Variants in ZNF18 observed in about 807,000 individuals in gnomAD.
ZNF18 encodes the protein heart development-specific gene 1 protein.
In ZNF18, 42 loss-of-function variants were observed where a neutral mutation model predicts 58.1. That is an observed-to-expected ratio of 0.72 (90% CI 0.56 to 0.93). The LOEUF is 0.93. Among genes scored for constraint, ZNF18 ranks in the 40% least tolerant of loss-of-function variants. The pLI is 0.00. For synonymous variants in ZNF18, 231 were observed against 239.8 expected, an observed-to-expected ratio of 0.96 and a Z score of 0.34; for missense variants, 540 against 644.2, an observed-to-expected ratio of 0.84 and a Z score of 1.75.
At chr17:11,982,076 C>T (rs1285083615) in intron 6 of ZNF18, among the ~76,000 whole-genome samples, 1 of 152,002 alleles carries the variant, frequency 6.6e-6, no homozygotes, top group Non-Finnish European at 1.5e-5. Context: ...TCCGCCTCTC[C>T]TCTCCCCAAC....
chr17:12,005,134 A>G, the ZNF18 span, among the ~76,000 whole-genome samples: 3 of 150,378 alleles, frequency 2.0e-5, no homozygotes, highest in African/African-American at 7.3e-5. Flanking sequence ...TATGCATGTT[A>G]TGGACTCAGA....
At chr17:12,011,499 C>CTGAG in the ZNF18 span, among the ~76,000 whole-genome samples, 117 of 151,722 alleles carry the variant, frequency 7.7e-4, no homozygotes, top group East Asian at 0.019. Context: ...GATTCTCTTG[C>CTGAG]CTCAGCCTCC....
chr17:12,020,941 G>A, the ZNF18 span: 4 of 1,215,286 alleles, frequency 3.3e-6, no homozygotes, highest in African/African-American at 3.1e-5. Flanking sequence ...CAGCGGCAGC[G>A]GCACCCCCGG....
chr17:12,020,958 A>G, the ZNF18 span: 2 of 1,210,642 alleles, frequency 1.7e-6, no homozygotes, highest in Non-Finnish European at 2.1e-6. Flanking sequence ...CCGGCCCCGT[A>G]GGGTCCCCGG....
chr17:12,020,461 G>A, the ZNF18 span, among the ~76,000 whole-genome samples: 2 of 152,150 alleles, frequency 1.3e-5, no homozygotes, highest in African/African-American at 2.4e-5. Context: ...GCGACTGGAG[G>A]AGAAAGGGAT....
chr17:12,009,732 C>T, the ZNF18 span, among the ~76,000 whole-genome samples: 2 of 152,102 alleles, frequency 1.3e-5, no homozygotes, highest in South Asian at 2.1e-4. Context: ...GAATTACAGG[C>T]GTGAGCCACC....
upstream of ZNF18, among the ~76,000 whole-genome samples, chr17:12,002,046 G>T (rs1968667540): frequency 3.3e-5 from 5 of 152,098 alleles, no homozygotes; most frequent in South Asian, 1.0e-3. Context: ...AGGATGAAAG[G>T]TGGGAGGGAG....
the ZNF18 span, chr17:12,020,790 G>C: frequency 2.0e-6 from 1 of 501,494 alleles, no homozygotes; most frequent in Non-Finnish European, 3.0e-6. Context: ...CGGAGGCGGG[G>C]CCAAGGCGGG....
chr17:11,993,149 C>T (rs1968242945), intron 1 of ZNF18, among the ~76,000 whole-genome samples: 1 of 152,204 alleles, frequency 6.6e-6, no homozygotes, highest in Admixed American at 6.5e-5. Flanking sequence ...CTTTCTTGGT[C>T]TTCAAATGTC....
At chr17:12,010,310 T>C in the ZNF18 span, among the ~76,000 whole-genome samples, 1 of 152,212 alleles carries the variant, frequency 6.6e-6, no homozygotes, top group Non-Finnish European at 1.5e-5. Context: ...ATTTATTTTC[T>C]GGTGACTTAA....
At chr17:12,008,265 T>C in the ZNF18 span, among the ~76,000 whole-genome samples, 1 of 152,222 alleles carries the variant, frequency 6.6e-6, no homozygotes, top group Admixed American at 6.5e-5. Context: ...GTATTTTCTT[T>C]GGCAAGCACA....
the ZNF18 span, among the ~76,000 whole-genome samples, chr17:12,019,957 G>T: frequency 6.6e-6 from 1 of 152,194 alleles, no homozygotes; most frequent in Non-Finnish European, 1.5e-5. Flanking sequence ...AGTACATTAT[G>T]GTTGGCTTAC....
upstream of ZNF18, among the ~76,000 whole-genome samples, chr17:11,999,972 A>G (rs2151492651): frequency 6.6e-6 from 1 of 152,312 alleles, no homozygotes; most frequent in East Asian, 1.9e-4. Flanking sequence ...TCTGTTGCCC[A>G]ATGTAGTGCC....
At chr17:12,021,370 T>C in the ZNF18 span, 1 of 154,752 alleles carries the variant, frequency 6.5e-6, no homozygotes, top group East Asian at 1.9e-4. Context: ...GGCTCGGGGC[T>C]GCGGCGGAGC....
the ZNF18 span, among the ~76,000 whole-genome samples, chr17:12,007,086 G>T: frequency 2.0e-5 from 3 of 152,132 alleles, no homozygotes; most frequent in Admixed American, 6.5e-5. Context: ...ATGTGCCTCT[G>T]AGCTTAATCT....
In ZNF18 at chr17:11,978,291, G is replaced by A. The variant is rs910685452; in HGVS notation, c.1316C>T (p.Thr439Ile). ...THTGETYFQC[T>I]ICKKAFLRSS... is the part of the protein sequence containing the mutation. ...CCGCAGAAAGGCTTTTTTGCAGATG[G>A]TGCACTGAAAGTATGTCTCTCCGGT... The change falls in exon 7 of 7, where the codon ACC (threonine) becomes ATC (isoleucine). Residue 439 changes from threonine (T) to isoleucine (I), a missense_variant. By Grantham distance (89) the Thr-to-Ile change is moderately conservative (BLOSUM62 -1). Transcript: ENST00000580306. The A allele has an allele frequency of 6.2e-7, 1 of 1,605,490 alleles. No homozygotes were observed. The highest frequency in any genetic ancestry group is 1.7e-4 in the Middle Eastern group (1 of 5,964).
chr17:11,988,866 T>A (rs1967917801), intron 4 of ZNF18, among the ~76,000 whole-genome samples: 1 of 150,514 alleles, frequency 6.6e-6, no homozygotes, highest in Non-Finnish European at 1.5e-5. Flanking sequence ...AATTTAAAAA[T>A]TAGCCAAGCA....
At chr17:11,988,442 G>A (rs921228515) in intron 4 of ZNF18, among the ~76,000 whole-genome samples, 1 of 152,140 alleles carries the variant, frequency 6.6e-6, no homozygotes, top group African/African-American at 2.4e-5. Flanking sequence ...CCTTAGAATC[G>A]ACAGGGTAGA....
intron 6 of ZNF18, among the ~76,000 whole-genome samples, chr17:11,981,231 A>C (rs560783113): frequency 6.6e-6 from 1 of 152,080 alleles, no homozygotes; most frequent in South Asian, 2.1e-4. Flanking sequence ...GACTTCCTGC[A>C]GACTTCTCTC....
Sources: gnomAD v4.1 joint callset for allele counts (sites outside exome capture counted in the v4.1 genomes callset) on GRCh38, gnomAD v4.1.1 for gene constraint, MANE v1.5 for transcripts, NCBI Gene and HGNC (gene_info 2026-07-23, HGNC 2026-07-21) for gene names.